The following RASGRF2 variants were observed in gnomAD, a reference collection of about 807,000 sequenced individuals.
The protein encoded by RASGRF2 is Ras protein specific guanine nucleotide releasing factor 2, also known as ras-specific guanine nucleotide-releasing factor 2.
In RASGRF2, 76 loss-of-function variants were observed where a neutral mutation model predicts 151.0. The observed-to-expected ratio is 0.50, with a 90% CI of 0.42 to 0.61. The LOEUF (loss-of-function observed/expected upper bound fraction) is 0.61, where lower values mean the gene tolerates loss of function less well. Among genes scored for constraint, RASGRF2 ranks in the 20% least tolerant of loss-of-function variants. RASGRF2 has a pLI of 0.00. For missense variants in RASGRF2, 1,148 were observed against 1,564.6 expected (o/e 0.73, Z 4.49); for synonymous variants, 504 against 566.5 (o/e 0.89, Z 1.57).
At chr5:81,077,268 G>A (rs1022879450) in intron 5 of RASGRF2, among the ~76,000 whole-genome samples, 44 of 152,206 alleles carry the variant, frequency 2.9e-4, no homozygotes, top group Admixed American at 2.7e-3. Flanking sequence ...ACAAGGTCTA[G>A]AGTACAATCA....
At chr5:80,975,791 G>C (rs1177088893) in intron 1 of RASGRF2, among the ~76,000 whole-genome samples, 1 of 151,304 alleles carries the variant, frequency 6.6e-6, no homozygotes, top group South Asian at 2.1e-4. Flanking sequence ...TCTCATACCT[G>C]ATATCTGTCT....
At chr5:81,032,659 A>G (rs1750306502) in intron 1 of RASGRF2, among the ~76,000 whole-genome samples, 1 of 152,170 alleles carries the variant, frequency 6.6e-6, no homozygotes, top group East Asian at 1.9e-4. Flanking sequence ...AAATAATAAG[A>G]GCTATTTATG....
chr5:80,973,275 A>T (rs1747999426), intron 1 of RASGRF2, among the ~76,000 whole-genome samples: 1 of 152,206 alleles, frequency 6.6e-6, no homozygotes, highest in African/African-American at 2.4e-5. Context: ...TTGCCACCCC[A>T]GGATGTCTTC....
At chr5:81,002,362 T>C (rs544151111) in intron 1 of RASGRF2, among the ~76,000 whole-genome samples, 1 of 152,294 alleles carries the variant, frequency 6.6e-6, no homozygotes, top group South Asian at 2.1e-4. Flanking sequence ...TTTACTAGAG[T>C]AAGTAGATGA....
At chr5:81,211,514 G>T (rs573855421) in intron 22 of RASGRF2, among the ~76,000 whole-genome samples, 1 of 152,134 alleles carries the variant, frequency 6.6e-6, no homozygotes, top group Non-Finnish European at 1.5e-5. Flanking sequence ...CTCTCCTCAC[G>T]CTAAGGATGC....
At chr5:81,024,175 C>A (rs1021443399) in intron 1 of RASGRF2, among the ~76,000 whole-genome samples, 4 of 149,936 alleles carry the variant, frequency 2.7e-5, no homozygotes, top group Non-Finnish European at 3.0e-5. Flanking sequence ...ACTGAGAGGT[C>A]TCTTAGCTAA....
intron 2 of RASGRF2, among the ~76,000 whole-genome samples, chr5:81,061,621 C>A (rs557758070): frequency 6.6e-6 from 1 of 151,844 alleles, no homozygotes; most frequent in South Asian, 2.1e-4. Context: ...GATCCTCCTG[C>A]CTCAGCCTCC....
At chr5:81,035,994 CAAG>C (rs1750478037) in intron 1 of RASGRF2, among the ~76,000 whole-genome samples, 1 of 152,196 alleles carries the variant, frequency 6.6e-6, no homozygotes, top group East Asian at 1.9e-4. Flanking sequence ...CAACAATAAT[CAAG>C]AAGTCCTACT....
At chr5:81,012,530 G>A (rs73766159) in intron 1 of RASGRF2, among the ~76,000 whole-genome samples, 1,658 of 152,176 alleles carry the variant, frequency 0.011, 36 homozygotes, top group African/African-American at 0.038. Context: ...GAATCTAGAC[G>A]GCGTCTGTCG....
At chr5:81,127,989 A>C (rs1753510488) in intron 17 of RASGRF2, among the ~76,000 whole-genome samples, 2 of 151,662 alleles carry the variant, frequency 1.3e-5, no homozygotes, top group South Asian at 4.2e-4. Flanking sequence ...TTGCAACAGT[A>C]TGGATGAACC....
chr5:81,112,313 T>G lies in RASGRF2; in HGVS notation c.1839-297T>G, dbSNP rs570564785. Reference sequence around the variant, plus strand: ...CGTTTTACGTAATATTCACATTGTTTTAAGTATTGTAATCTAGAGATGATT... The same window carrying G: ...CGTTTTACGTAATATTCACATTGTTGTAAGTATTGTAATCTAGAGATGATT... On this transcript the variant is annotated intron_variant, in intron 13 of 26. Coordinates refer to ENST00000265080, the MANE Select transcript of RASGRF2 (RefSeq NM_006909.3). Among the ~76,000 whole-genome samples the G allele has an allele frequency of 1.1e-4, 17 of 152,330 alleles. No homozygotes were observed. The South Asian group carries it at 2.3e-3, about 20-fold the overall frequency.
intron 17 of RASGRF2, among the ~76,000 whole-genome samples, chr5:81,143,621 G>T (rs567894413): frequency 6.6e-6 from 1 of 152,174 alleles, no homozygotes. Context: ...GGCAGGCACG[G>T]TGGTGCACGC....
chr5:81,024,515 C>A (rs2112344788), intron 1 of RASGRF2, among the ~76,000 whole-genome samples: 1 of 152,226 alleles, frequency 6.6e-6, no homozygotes, highest in Non-Finnish European at 1.5e-5. Flanking sequence ...CCACCTCAGC[C>A]TCCCGATGTG....
At chr5:81,035,128 T>G (rs1750435975) in intron 1 of RASGRF2, among the ~76,000 whole-genome samples, 1 of 151,978 alleles carries the variant, frequency 6.6e-6, no homozygotes, top group Non-Finnish European at 1.5e-5. Flanking sequence ...ACCCAAAGGA[T>G]TATAAATCAT....
chr5:80,969,358 A>T (rs529831780), intron 1 of RASGRF2, among the ~76,000 whole-genome samples: 190 of 146,290 alleles, frequency 1.3e-3, no homozygotes, highest in Non-Finnish European at 1.2e-3. Context: ...CTGGTCTCGA[A>T]CTCCTGACCT....
In RASGRF2 at chr5:81,201,443, G is replaced by A. The variant is rs1378720898; in HGVS notation, c.2906+1G>A. ...GGAAAGCCGCCGCGAATATCCTCAG[G>A]TGAAGGCAGCTGAAGATGCCGACTG... On this transcript the variant is annotated splice_donor_variant, in intron 19 of 26. Coordinates refer to ENST00000265080, the MANE Select transcript of RASGRF2 (RefSeq NM_006909.3). LOFTEE classifies it high-confidence loss of function. The A allele has an allele frequency of 1.2e-6, 2 of 1,611,572 alleles. No homozygotes were observed. Among genetic ancestry groups the A allele is most frequent in the South Asian group, 1.1e-5 (1 of 90,830 alleles).
At chr5:81,029,630 A>G (rs1370551192) in intron 1 of RASGRF2, among the ~76,000 whole-genome samples, 1 of 152,222 alleles carries the variant, frequency 6.6e-6, no homozygotes. Flanking sequence ...GGACACCCAC[A>G]CCAAAACCCC....
intron 1 of RASGRF2, among the ~76,000 whole-genome samples, chr5:80,978,374 G>A (rs1748194027): frequency 6.6e-6 from 1 of 151,994 alleles, no homozygotes; most frequent in Non-Finnish European, 1.5e-5. Context: ...AGAACTATAT[G>A]AGAAAACTAA....
At chr5:81,217,977 C>T (rs1306702967) in intron 25 of RASGRF2, among the ~76,000 whole-genome samples, 2 of 152,072 alleles carry the variant, frequency 1.3e-5, no homozygotes, top group Admixed American at 6.5e-5. Flanking sequence ...CTCCTGACCT[C>T]GTGATCTGCC....
Sources: gnomAD v4.1 joint callset for allele counts (sites outside exome capture counted in the v4.1 genomes callset) on GRCh38, gnomAD v4.1.1 for gene constraint, MANE v1.5 for transcripts, NCBI Gene and HGNC (gene_info 2026-07-23, HGNC 2026-07-21) for gene names.